NAA35: variants seen among roughly 807,000 people sequenced by gnomAD.
The protein encoded by NAA35 is N-alpha-acetyltransferase 35, NatC auxiliary subunit.
Under a neutral mutation model 101.7 loss-of-function variants are expected in NAA35, and 18 were observed. The ratio of observed to expected loss-of-function variants is 0.18; its 90% CI spans 0.12 to 0.26. The LOEUF is 0.26. NAA35 is among the 10% of genes least tolerant of loss of function. The probability of loss-of-function intolerance (pLI) is 1.00; values close to 1 mark genes in which losing one functional copy is unlikely to be tolerated. For synonymous variants in NAA35, 267 were observed against 273.1 expected, an observed-to-expected ratio of 0.98 and a Z score of 0.22; for missense variants, 601 against 886.8, an observed-to-expected ratio of 0.68 and a Z score of 4.09.
intron 11 of NAA35, among the ~76,000 whole-genome samples, chr9:85,980,165 CG>C (rs1830374998): frequency 6.6e-6 from 1 of 152,144 alleles, no homozygotes. Context: ...GTAAGGGTCT[CG>C]GAGCTTCCAT....
intron 10 of NAA35, among the ~76,000 whole-genome samples, 177 bp from the exon 11 acceptor site, chr9:85,978,090 A>G (rs1415264919): frequency 1.3e-5 from 2 of 152,164 alleles, no homozygotes; most frequent in African/African-American, 4.8e-5. Flanking sequence ...TGTGAGTAAA[A>G]AAACCATTTT....
At chr9:85,981,573 A>G (rs1433143991) in intron 11 of NAA35, among the ~76,000 whole-genome samples, 1 of 152,108 alleles carries the variant, frequency 6.6e-6, no homozygotes, top group Non-Finnish European at 1.5e-5. Flanking sequence ...TGTGCATATG[A>G]TCTCCTCTAT....
chr9:85,961,994 C>T lies in NAA35; in HGVS notation c.349-19C>T, dbSNP rs754765330. 25 of 1,584,624 alleles carry T rather than the reference C, an allele frequency of 1.6e-5. No individual in the cohort carries two copies. The highest frequency in any genetic ancestry group is 2.1e-5 in the Non-Finnish European group (25 of 1,167,856). On this transcript the variant is annotated intron_variant, in intron 5 of 22. Coordinates refer to ENST00000361671, the MANE Select transcript of NAA35 (RefSeq NM_024635.4). ...CTCAGTTTATCACCTTAAATATATA[C>T]TCTTTTGTTTCTTTATAGATAACGT...
intron 11 of NAA35, among the ~76,000 whole-genome samples, chr9:85,980,175 A>G (rs899732672): frequency 1.3e-5 from 2 of 152,180 alleles, no homozygotes; most frequent in African/African-American, 2.4e-5. Context: ...CGGAGCTTCC[A>G]TGCCTTCCCT....
At chr9:85,995,659 C>T (rs1831122303) in intron 11 of NAA35, among the ~76,000 whole-genome samples, 1 of 152,006 alleles carries the variant, frequency 6.6e-6, no homozygotes, top group Admixed American at 6.6e-5. Context: ...TAGGTTGTGG[C>T]CAGTTTGTAG....
chr9:85,963,357 A>G (rs886555781), intron 6 of NAA35, among the ~76,000 whole-genome samples: 3 of 137,192 alleles, frequency 2.2e-5, no homozygotes, highest in African/African-American at 8.4e-5. Flanking sequence ...TGCAACCTCC[A>G]TCTCCCGGGT....
chr9:85,941,923 T>C, intron 1 of NAA35: 1 of 1,231,324 alleles, frequency 8.1e-7, no homozygotes, highest in Non-Finnish European at 1.0e-6. Context: ...AGGCAAAATG[T>C]TTATGGGCCC....
At chr9:86,017,624 T>C (rs1832292272) in intron 19 of NAA35, 59 bp downstream of exon 19, 2 of 1,310,622 alleles carry the variant, frequency 1.5e-6, no homozygotes, top group Non-Finnish European at 2.1e-6. Context: ...TTATATAGTT[T>C]ATTTAAACTG....
intron 11 of NAA35, among the ~76,000 whole-genome samples, chr9:85,985,108 G>C (rs1361997114): frequency 6.6e-6 from 1 of 152,102 alleles, no homozygotes; most frequent in African/African-American, 2.4e-5. Flanking sequence ...AAGTTACTGC[G>C]GCCCACCCAC....
chr9:85,966,755 A>G (rs1587587891), intron 6 of NAA35: 2 of 519,822 alleles, frequency 3.8e-6, no homozygotes, highest in East Asian at 7.8e-5. Context: ...TATATCAAGA[A>G]TCTTAAAAAT....
At chr9:85,992,532 G>A (rs1203452877) in intron 11 of NAA35, among the ~76,000 whole-genome samples, 2 of 152,110 alleles carry the variant, frequency 1.3e-5, no homozygotes, top group Non-Finnish European at 2.9e-5. Context: ...TCATTTTGCT[G>A]ATAGTGTGCA....
chr9:85,951,153 T>G (rs1315971592), intron 2 of NAA35, among the ~76,000 whole-genome samples: 1 of 148,184 alleles, frequency 6.7e-6, no homozygotes, highest in Admixed American at 6.7e-5. Flanking sequence ...AAAAAAAAAA[T>G]GATAACCCGT....
chr9:85,997,607 T>G (rs962356019), intron 12 of NAA35, among the ~76,000 whole-genome samples: 2 of 152,118 alleles, frequency 1.3e-5, no homozygotes, highest in Non-Finnish European at 2.9e-5. Flanking sequence ...CCTCCCAAAG[T>G]GCTGGGATTA....
At chr9:86,013,002 G>A (rs574099928) in intron 15 of NAA35, 44 bp from the exon 16 acceptor site, 9 of 1,334,148 alleles carry the variant, frequency 6.7e-6, no homozygotes, top group African/African-American at 2.9e-5. Context: ...TTTGGTACTA[G>A]GAAATTTCAT....
rs564367192 is a variant in NAA35 at position 85,998,024 on chromosome 9, C to T, written c.1056+1447C>T. ...CCACCTCCCAGGTTCACGCCATTCT[C>T]CTGCCTCAGCCTCCCGAGTAGCTGG... On this transcript the variant is annotated intron_variant, in intron 12 of 22. Coordinates refer to ENST00000361671, the MANE Select transcript of NAA35 (RefSeq NM_024635.4). 1.7e-3 allele frequency among the ~76,000 whole-genome samples: 256 copies of T among 152,124 alleles called. 1 individual carries two copies. The highest frequency in any genetic ancestry group is 5.9e-3 in the African/African-American group (243 of 41,480).
At chr9:85,955,327 C>CATATATATAT (rs1173706353) in intron 2 of NAA35, among the ~76,000 whole-genome samples, 7 of 82,862 alleles carry the variant, frequency 8.4e-5, no homozygotes, top group African/African-American at 2.0e-4. Context: ...CATCTATATA[C>CATATATATAT]ATATATATAT....
In NAA35 at chr9:85,961,997, T is replaced by C. The variant is rs377471186; in HGVS notation, c.349-16T>C. ...AGTTTATCACCTTAAATATATACTC[T>C]TTTGTTTCTTTATAGATAACGTGGT... On this transcript the variant is annotated splice_polypyrimidine_tract_variant and intron_variant, in intron 5 of 22. Coordinates refer to ENST00000361671, the MANE Select transcript of NAA35 (RefSeq NM_024635.4). The C allele has an allele frequency of 1.1e-5, 17 of 1,590,668 alleles. No homozygotes were observed. The African/African-American group carries it at 1.9e-4, about 18-fold the overall frequency.
intron 11 of NAA35, among the ~76,000 whole-genome samples, chr9:85,987,480 G>A (rs10512170): frequency 0.14 from 20,833 of 152,146 alleles, 3,793 homozygotes; most frequent in African/African-American, 0.4. Context: ...ATCACAAGCC[G>A]TTAGAGAGTA....
chr9:85,985,321 C>T (rs1830602332), intron 11 of NAA35, among the ~76,000 whole-genome samples: 1 of 152,152 alleles, frequency 6.6e-6, no homozygotes, highest in Non-Finnish European at 1.5e-5. Flanking sequence ...CTCATAGCAG[C>T]ATTATTCATA....
Sources: gnomAD v4.1 joint callset for allele counts (sites outside exome capture counted in the v4.1 genomes callset) on GRCh38, gnomAD v4.1.1 for gene constraint, MANE v1.5 for transcripts, NCBI Gene and HGNC (gene_info 2026-07-23, HGNC 2026-07-21) for gene names.